Variants in TRPC5 observed in about 807,000 individuals in gnomAD.
TRPC5 encodes short transient receptor potential channel 5.
TRPC5 carries 9 observed loss-of-function variants against 56.5 expected under a neutral mutation model. The observed-to-expected ratio is 0.16, with a 90% confidence interval of 0.10 to 0.28. The LOEUF is 0.28. Among genes scored for constraint, TRPC5 ranks in the 10% least tolerant of loss-of-function variants. The probability of loss-of-function intolerance (pLI) is 1.00; values close to 1 mark genes in which losing one functional copy is unlikely to be tolerated. For missense variants in TRPC5, 469 were observed against 748.9 expected (o/e 0.63, Z 4.36); for synonymous variants, 282 against 278.5 (o/e 1.01, Z -0.13).
At position 112,043,706 on chromosome X, in the gene TRPC5, T is replaced by C. The variant is rs1406338881; in HGVS notation, c.-22+38173A>G. Among the ~76,000 whole-genome samples, 4 of 108,699 alleles carry C rather than the reference T, an allele frequency of 3.7e-5. No homozygotes were observed. In the South Asian group the frequency reaches 1.7e-3, roughly 46 times the overall value. 94.4% of individuals were successfully genotyped at this position (108,699 alleles called of 115,157 possible). On this transcript the variant is annotated intron_variant, in intron 1 of 10. Transcript: ENST00000262839. The stretch of plus-strand genomic sequence containing the variant: ...CAAGAGGAGAAATGTCCTTGCCTAC[T>C]ATTTCCTCATTCTTTAAGTCCTTTC...
chrX:111,901,109 T>A (rs1925320614), intron 3 of TRPC5, among the ~76,000 whole-genome samples: 2 of 111,532 alleles, frequency 1.8e-5, no homozygotes, highest in Admixed American at 1.9e-4. Flanking sequence ...ATATGGAGAA[T>A]ATAGGACTTT....
chrX:111,806,763 C>A (rs1921526489), intron 7 of TRPC5, among the ~76,000 whole-genome samples: 1 of 111,022 alleles, frequency 9.0e-6, no homozygotes, highest in African/African-American at 3.3e-5. Context: ...CAAACAGTTA[C>A]CATTTTTTTT....
At chrX:111,835,196 T>A in intron 6 of TRPC5, 80 bp from the exon 7 acceptor site, 1 of 882,910 alleles carries the variant, frequency 1.1e-6, no homozygotes, top group Non-Finnish European at 1.6e-6. Flanking sequence ...GTGATCTGCT[T>A]AACGAAGGGG....
intron 7 of TRPC5, among the ~76,000 whole-genome samples, chrX:111,796,495 GTGTT>G (rs1274939306): frequency 1.8e-5 from 2 of 111,841 alleles, no homozygotes; most frequent in Non-Finnish European, 3.8e-5. Context: ...TTTTTTGTTG[GTGTT>G]TGTTTAGTGA....
chrX:112,047,462 G>A (rs1331785940), intron 1 of TRPC5, among the ~76,000 whole-genome samples: 1 of 111,426 alleles, frequency 9.0e-6, no homozygotes, highest in Admixed American at 9.5e-5. Context: ...GGAGGTTCCA[G>A]AGGGAGCACA....
intron 5 of TRPC5, among the ~76,000 whole-genome samples, chrX:111,848,581 T>C (rs1041362125): frequency 8.9e-6 from 1 of 112,363 alleles, no homozygotes; most frequent in South Asian, 3.7e-4. Context: ...ACAACTTTCC[T>C]GAGAAAATGT....
At chrX:111,905,165 GA>G (rs1382812109) in intron 3 of TRPC5, among the ~76,000 whole-genome samples, 5 of 105,663 alleles carry the variant, frequency 4.7e-5, no homozygotes, top group African/African-American at 1.9e-4. Flanking sequence ...TGATTTTTAT[GA>G]TTTTTTTTTT....
chrX:112,078,698 A>G (rs1040206373), intron 1 of TRPC5, among the ~76,000 whole-genome samples: 2 of 112,028 alleles, frequency 1.8e-5, no homozygotes, highest in Non-Finnish European at 3.8e-5. Flanking sequence ...GCAAATTGCA[A>G]TTTTTCTTAG....
chrX:111,990,039 T>C (rs951655883), intron 1 of TRPC5, among the ~76,000 whole-genome samples: 3 of 112,309 alleles, frequency 2.7e-5, no homozygotes, highest in Non-Finnish European at 5.6e-5. Context: ...TTTATCTAGT[T>C]TTCTAAAATC....
chrX:111,876,724 TTTAC>T (rs1328272815), intron 3 of TRPC5, among the ~76,000 whole-genome samples: 1 of 111,748 alleles, frequency 8.9e-6, no homozygotes, highest in Non-Finnish European at 1.9e-5. Flanking sequence ...CCTGGCAATA[TTTAC>T]TTTCCTTAAC....
intron 3 of TRPC5, among the ~76,000 whole-genome samples, chrX:111,909,715 G>A (rs777694302): frequency 1.1e-4 from 12 of 111,129 alleles, no homozygotes; most frequent in African/African-American, 2.6e-4. Context: ...AGAAAGATAC[G>A]AAAATATAGT....
At chrX:111,969,000 TAAAATAAAA>T (rs1329975691) in intron 1 of TRPC5, among the ~76,000 whole-genome samples, 1 of 100,105 alleles carries the variant, frequency 1.0e-5, no homozygotes, top group Non-Finnish European at 2.1e-5. Flanking sequence ...TAAAATAAAA[TAAAATAAAA>T]TAAAATAAAA....
intron 7 of TRPC5, among the ~76,000 whole-genome samples, chrX:111,793,929 C>A (rs1946041429): frequency 9.0e-6 from 1 of 111,646 alleles, no homozygotes; most frequent in Admixed American, 9.5e-5. Flanking sequence ...AAATGTTATT[C>A]TAAGTGAAAG....
At chrX:111,912,928 C>T in intron 2 of TRPC5, 116 bp from the exon 3 acceptor site, 1 of 808,504 alleles carries the variant, frequency 1.2e-6, no homozygotes, top group East Asian at 3.2e-5. Context: ...TGTTTCAATT[C>T]TTTTGACCTC....
chrX:112,020,559 C>G (rs1339559199), intron 1 of TRPC5, among the ~76,000 whole-genome samples: 1 of 112,087 alleles, frequency 8.9e-6, no homozygotes, highest in African/African-American at 3.2e-5. Context: ...AAAACACACA[C>G]AGTTTGTTTC....
intron 7 of TRPC5, among the ~76,000 whole-genome samples, chrX:111,793,671 AC>A (rs1180941325): frequency 8.9e-6 from 1 of 111,969 alleles, no homozygotes. Context: ...ACATAGAGCT[AC>A]CACATGACCC....
chrX:111,890,175 A>G (rs1924733873), intron 3 of TRPC5, among the ~76,000 whole-genome samples: 1 of 112,448 alleles, frequency 8.9e-6, no homozygotes, highest in Non-Finnish European at 1.9e-5. Flanking sequence ...ATTGTAAAAC[A>G]AACTATTTAC....
intron 1 of TRPC5, among the ~76,000 whole-genome samples, chrX:112,053,980 A>G: frequency 8.9e-6 from 1 of 112,565 alleles, no homozygotes; most frequent in Middle Eastern, 4.6e-3. Context: ...ATCTGAATAA[A>G]GCAGACATGA....
chrX:111,830,943 C>T (rs961830873), intron 7 of TRPC5, among the ~76,000 whole-genome samples: 1 of 112,351 alleles, frequency 8.9e-6, no homozygotes, highest in African/African-American at 3.2e-5. Flanking sequence ...TCTGCAGAAT[C>T]CCTTTTGCCA....
Sources: gnomAD v4.1 joint callset for allele counts (sites outside exome capture counted in the v4.1 genomes callset) on GRCh38, gnomAD v4.1.1 for gene constraint, MANE v1.5 for transcripts, NCBI Gene and HGNC (gene_info 2026-07-23, HGNC 2026-07-21) for gene names.